The following WNT5A variants were observed in gnomAD, a reference collection of about 807,000 sequenced individuals.
WNT5A encodes the protein protein Wnt-5a.
A neutral mutation model predicts 42.1 loss-of-function variants in WNT5A; 9 were observed. The observed-to-expected ratio is 0.21, with a 90% CI of 0.13 to 0.37. WNT5A has a LOEUF of 0.37. Ranked by LOEUF, WNT5A falls within the 10% of genes least tolerant of loss-of-function variation. WNT5A has a pLI of 1.00. For synonymous variants in WNT5A, 210 were observed against 210.0 expected (o/e 1.00, Z 0.00); for missense variants, 426 against 534.0 (o/e 0.80, Z 1.99).
rs755350235 is a variant in WNT5A at position 55,466,585 on chromosome 3, CTTCT to C, written c.*3503_*3506del. Reference sequence around the variant, plus strand: ...ATAAACTGGATTAAAACTTAAAAGTCTTCTTTCTATTTGAGCCCATAATGACTAT... The same window carrying C: ...ATAAACTGGATTAAAACTTAAAAGTCTTCTATTTGAGCCCATAATGACTAT... On this transcript the variant is annotated 3_prime_UTR_variant, in exon 5 of 5. Coordinates refer to ENST00000264634, the MANE Select transcript of WNT5A (RefSeq NM_003392.7). 6.6e-6 allele frequency: 1 copy of C among 152,490 alleles called. No individual in the cohort carries two copies. Among genetic ancestry groups the C allele is most frequent in the Non-Finnish European group, 1.5e-5 (1 of 68,024 alleles). The allele number at this position is 152,490 out of a possible 1,614,324, so 9.4% of individuals were successfully genotyped here.
chr3:55,499,324 G>A, the WNT5A span, among the ~76,000 whole-genome samples: 6 of 152,170 alleles, frequency 3.9e-5, no homozygotes, highest in African/African-American at 9.7e-5. Context: ...TAAAGCAAGC[G>A]GCTTGGGAGT....
chr3:55,466,239 G>A lies in WNT5A; in HGVS notation c.*3853C>T, dbSNP rs565356090. On this transcript the variant is annotated 3_prime_UTR_variant, in exon 5 of 5. Transcript: ENST00000264634. ...AGTGACAATGTAGTATTTTAGACCTGTGCCTTCGTGCCTATTTGCATTAAA... is the reference window on the plus strand; with the variant it reads ...AGTGACAATGTAGTATTTTAGACCTATGCCTTCGTGCCTATTTGCATTAAA... The A allele has an allele frequency of 4.6e-5, 7 of 152,052 alleles. No homozygotes were observed. Among genetic ancestry groups the A allele is most frequent in the African/African-American group, 1.7e-4 (7 of 41,404 alleles). The allele number at this position is 152,052 out of a possible 1,614,324, so 9.4% of individuals were successfully genotyped here. A position where few individuals can be genotyped will look rare whatever the true frequency, so the allele number is the denominator to read the frequency against.
At chr3:55,473,559 A>G (rs1214320781) in intron 4 of WNT5A, among the ~76,000 whole-genome samples, 2 of 152,220 alleles carry the variant, frequency 1.3e-5, no homozygotes, top group Non-Finnish European at 2.9e-5. Flanking sequence ...TGAGGACTGC[A>G]AAGATGGTCC....
upstream of WNT5A, chr3:55,487,359 G>A: frequency 6.6e-6 from 2 of 303,968 alleles, no homozygotes; most frequent in Non-Finnish European, 1.2e-5. Flanking sequence ...GGTAATTAGG[G>A]CTTTCCAACC....
intron 4 of WNT5A, 69 bp downstream of exon 4, chr3:55,474,268 G>A: frequency 6.3e-7 from 1 of 1,595,480 alleles, no homozygotes; most frequent in Non-Finnish European, 8.5e-7. Flanking sequence ...TACAGGGAGA[G>A]ACCCGAGGAG....
chr3:55,491,435 CA>C (rs2051658252), upstream of WNT5A, among the ~76,000 whole-genome samples: 1 of 152,212 alleles, frequency 6.6e-6, no homozygotes, highest in African/African-American at 2.4e-5. Flanking sequence ...GGCATCACCA[CA>C]CTCTGCTCAT....
At position 55,466,019 on chromosome 3, in the gene WNT5A, T is replaced by C. The variant is rs1164111159; in HGVS notation, c.*4073A>G. ...AATATCCAATCATCAGATTAAAGTG[T>C]AAAGTTTGTGTGAACAGGGAAATTA... On this transcript the variant is annotated 3_prime_UTR_variant, in exon 5 of 5. Coordinates refer to ENST00000264634, the MANE Select transcript of WNT5A (RefSeq NM_003392.7). 1.3e-5 allele frequency: 2 copies of C among 152,178 alleles called. No homozygotes were observed. The highest frequency in any genetic ancestry group is 2.9e-5 in the Non-Finnish European group (2 of 68,018). 9.4% of individuals were successfully genotyped at this position (152,178 alleles called of 1,614,324 possible).
At chr3:55,482,144 C>A (rs905571062) in intron 1 of WNT5A, among the ~76,000 whole-genome samples, 8 of 152,230 alleles carry the variant, frequency 5.3e-5, no homozygotes, top group Non-Finnish European at 8.8e-5. Flanking sequence ...TGAGTCCAGA[C>A]GGGGCCAGAG....
intron 4 of WNT5A, among the ~76,000 whole-genome samples, chr3:55,471,528 G>T (rs904254775): frequency 6.6e-6 from 1 of 152,236 alleles, no homozygotes; most frequent in Non-Finnish European, 1.5e-5. Flanking sequence ...ATAAAATTAG[G>T]GGAGATGTGG....
Position 55,487,024 on chromosome 3 carries a change from G to C in WNT5A, c.-39C>G, listed in dbSNP as rs755396693. ...GGGCGCGGGGAGGAAGTCGCCACCCGAGCGAGCGCAGCCGAGGAATCCGAG... is the reference window on the plus strand; with the variant it reads ...GGGCGCGGGGAGGAAGTCGCCACCCCAGCGAGCGCAGCCGAGGAATCCGAG... On this transcript the variant is annotated 5_prime_UTR_variant, in exon 1 of 5. Transcript: ENST00000264634. 2 of 1,606,894 alleles carry C rather than the reference G, an allele frequency of 1.2e-6. No homozygotes were observed. The highest frequency in any genetic ancestry group is 1.7e-6 in the Non-Finnish European group (2 of 1,176,450).
chr3:55,474,227 A>G (rs1451043126), intron 4 of WNT5A, 110 bp downstream of exon 4: 4 of 1,378,866 alleles, frequency 2.9e-6, no homozygotes, highest in African/African-American at 1.4e-5. Context: ...AGGACCATAT[A>G]GCAAAGGAGT....
In WNT5A at chr3:55,468,136, A is replaced by AT. The variant is rs2051177461; in HGVS notation, c.*1955dup. ...GCACTGTTTGGAAAGAGGTGTCCTT[A>AT]TTAAAAAAAAAAAAAAAAAAGCTAT... On this transcript the variant is annotated 3_prime_UTR_variant, in exon 5 of 5. Transcript: ENST00000264634. 3 of 82,806 alleles carry AT rather than the reference A, an allele frequency of 3.6e-5. No homozygotes were observed. In the Admixed American group the frequency reaches 4.9e-4, roughly 14 times the overall value. The allele number at this position is 82,806 out of a possible 1,614,324, so 5.1% of individuals were successfully genotyped here. A position where few individuals can be genotyped will look rare whatever the true frequency, so the allele number is the denominator to read the frequency against.
upstream of WNT5A, among the ~76,000 whole-genome samples, chr3:55,492,922 C>T (rs1197963405): frequency 6.6e-6 from 1 of 152,206 alleles, no homozygotes; most frequent in Non-Finnish European, 1.5e-5. Flanking sequence ...TTTCACTCCA[C>T]TGAACACCAG....
At position 55,480,853 on chromosome 3, in the gene WNT5A, C is replaced by T; in HGVS notation, c.72G>A (p.Lys24=). The change falls in exon 2 of 5, where the codon AAG becomes AAA. Residue 24 remains lysine (K), a synonymous_variant. Coordinates refer to ENST00000264634, the MANE Select transcript of WNT5A (RefSeq NM_003392.7). ...ATATGGCCAAAGCCACTAGGAAGAA[C>T]TTGGAAGACATTGCACTTCCAGCCA... ...LGMAGSAMSS[K]FFLVALAIFF... is the part of the protein sequence containing the mutation. The T allele has an allele frequency of 6.3e-7, 1 of 1,588,470 alleles. No homozygotes were observed. Among genetic ancestry groups the T allele is most frequent in the Non-Finnish European group, 8.6e-7 (1 of 1,166,012 alleles).
rs141474855 is a variant in WNT5A at position 55,478,323 on chromosome 3, A to G, written c.391+991T>C. The stretch of plus-strand genomic sequence containing the variant: ...TTCGGGGTTTTTTTTTTAATAAAAA[A>G]TGCATTTTATCCATCTGTGATGGAC... On this transcript the variant is annotated intron_variant, in intron 3 of 4. Transcript: ENST00000264634. Among the ~76,000 whole-genome samples the G allele has an allele frequency of 7.2e-4, 109 of 152,250 alleles. 1 individual carries two copies. Among genetic ancestry groups the G allele is most frequent in the African/African-American group, 2.5e-3 (104 of 41,550 alleles).
rs1414257008 is a variant in WNT5A at position 55,469,092 on chromosome 3, T to C, written c.*1000A>G. 1 of 152,198 alleles carries C rather than the reference T, an allele frequency of 6.6e-6. No homozygotes were observed. Among genetic ancestry groups the C allele is most frequent in the Non-Finnish European group, 1.5e-5 (1 of 68,034 alleles). 9.4% of individuals were successfully genotyped at this position (152,198 alleles called of 1,614,324 possible). The stretch of plus-strand genomic sequence containing the variant: ...TGAAGAGGAAGGTGGATTTCACTGT[T>C]TTTCCTCAAATAGGTTGTCTGCTCT... On this transcript the variant is annotated 3_prime_UTR_variant, in exon 5 of 5. Transcript: ENST00000264634.
chr3:55,467,057 T>C lies in WNT5A; in HGVS notation c.*3035A>G, dbSNP rs2051155657. The C allele has an allele frequency of 6.6e-6, 1 of 152,222 alleles. No homozygotes were observed. Among genetic ancestry groups the C allele is most frequent in the Non-Finnish European group, 1.5e-5 (1 of 68,030 alleles). The allele number at this position is 152,222 out of a possible 1,614,324, so 9.4% of individuals were successfully genotyped here. A position where few individuals can be genotyped will look rare whatever the true frequency, so the allele number is the denominator to read the frequency against. ...CACTTAACACAATGAACCTTTAGTT[T>C]CCAACCAGTTTTCATTCTCTGCAGA... is the stretch of plus-strand genomic sequence containing the variant. On this transcript the variant is annotated 3_prime_UTR_variant, in exon 5 of 5. Transcript: ENST00000264634.
In WNT5A at chr3:55,483,066, G is replaced by C. The variant is rs975898629; in HGVS notation, c.7-2148C>G. On this transcript the variant is annotated intron_variant, in intron 1 of 4. Transcript: ENST00000264634. This position sits in a 1 kb window ranked among gnomAD's most constrained non-coding sequence, Gnocchi z 4.2. ...TCAAGCAGCAGAGAAATTGATAACA[G>C]ATTCGGCGGATTACAGCGGATCTCT... Among the ~76,000 whole-genome samples the C allele has an allele frequency of 6.6e-6, 1 of 152,176 alleles. No homozygotes were observed. The highest frequency in any genetic ancestry group is 1.5e-5 in the Non-Finnish European group (1 of 68,034).
the WNT5A span, among the ~76,000 whole-genome samples, chr3:55,503,058 T>C: frequency 6.6e-6 from 1 of 152,210 alleles, no homozygotes; most frequent in Non-Finnish European, 1.5e-5. Flanking sequence ...GAAGTACAAG[T>C]GGTAATTATA....
Sources: gnomAD v4.1 joint callset for allele counts (sites outside exome capture counted in the v4.1 genomes callset) on GRCh38, gnomAD v4.1.1 for gene constraint, Gnocchi (gnomAD v3.1) non-coding constraint, MANE v1.5 for transcripts, NCBI Gene and HGNC (gene_info 2026-07-23, HGNC 2026-07-21) for gene names.